The following CALHM3 variants were observed in gnomAD, a reference collection of about 807,000 sequenced individuals.
CALHM3 encodes calcium homeostasis modulator protein 3.
Under a neutral mutation model 13.6 loss-of-function variants are expected in CALHM3, and 9 were observed. The observed-to-expected ratio is 0.66, with a 90% confidence interval of 0.40 to 1.15. CALHM3 has a LOEUF of 1.15. Among genes scored for constraint, CALHM3 ranks in the 50% most tolerant of loss-of-function variants. The probability of loss-of-function intolerance (pLI) is 0.01; values close to 1 mark genes in which losing one functional copy is unlikely to be tolerated. For synonymous variants in CALHM3, 231 were observed against 213.2 expected (o/e 1.08, Z -0.73); for missense variants, 497 against 463.4 (o/e 1.07, Z -0.67).
rs1458377097 is a variant in CALHM3, at chr10:103,472,972, T to G, written c.*241A>C. On this transcript the variant is annotated 3_prime_UTR_variant, in exon 3 of 3. Coordinates refer to ENST00000369783, the MANE Select transcript of CALHM3 (RefSeq NM_001129742.2). ...AAATGCAGAATCTCAGACTCGGTCC[T>G]GGCTACACTGTCTGAACCTGTATTT... 1.5e-5 allele frequency: 6 copies of G among 404,822 alleles called. No homozygotes were observed. The highest frequency in any genetic ancestry group is 8.9e-5 in the Admixed American group (2 of 22,486). 25.1% of individuals were successfully genotyped at this position (404,822 alleles called of 1,614,324 possible).
intron 1 of CALHM3, among the ~76,000 whole-genome samples, chr10:103,476,849 G>A (rs1196805339): frequency 1.3e-5 from 2 of 152,326 alleles, no homozygotes; most frequent in African/African-American, 4.8e-5. Context: ...TCACCTGGAG[G>A]GCCTGAGGGC....
chr10:103,474,696 C>T (rs1389103233), intron 2 of CALHM3, among the ~76,000 whole-genome samples: 2 of 152,168 alleles, frequency 1.3e-5, no homozygotes, highest in East Asian at 3.9e-4. Context: ...CTCATGTGAT[C>T]CACCCGCCTC....
Position 103,478,887 on chromosome 10 carries a change from G to A in CALHM3, c.146C>T (p.Ala49Val). ...CAGCAGCAGGCCCAGGCCGTAGAGT[G>A]CATTGTAGTGCACCAGGCAGGGACA... ...FNCPCLVHYN[A>V]LYGLGLLLTP... The change falls in exon 1 of 3, where the codon GCA (alanine) becomes GTA (valine). Residue 49 changes from alanine to valine, a missense_variant. By Grantham distance (64) the Ala-to-Val change is moderately conservative. Transcript: ENST00000369783. 6.4e-7 allele frequency: 1 copy of A among 1,551,762 alleles called. No individual in the cohort carries two copies.
chr10:103,474,642 A>G (rs1244173596), intron 2 of CALHM3, among the ~76,000 whole-genome samples: 2 of 152,028 alleles, frequency 1.3e-5, no homozygotes, highest in African/African-American at 4.8e-5. Flanking sequence ...TTTAGTAGAG[A>G]CGAGGTTTCA....
At position 103,473,209 on chromosome 10, in the gene CALHM3, G is replaced by A. The variant is rs1461171674; in HGVS notation, c.*4C>T. On this transcript the variant is annotated 3_prime_UTR_variant, in exon 3 of 3. Coordinates refer to ENST00000369783, the MANE Select transcript of CALHM3 (RefSeq NM_001129742.2). ...ACACTGCCGCTTCAAGCCTGGCCAG[G>A]ACCCTACACGTCGGTGTGTTGTGAC... 7.2e-7 allele frequency: 1 copy of A among 1,396,114 alleles called. No homozygotes were observed. Among genetic ancestry groups the A allele is most frequent in the Non-Finnish European group, 9.3e-7 (1 of 1,072,616 alleles). 86.5% of individuals were successfully genotyped at this position (1,396,114 alleles called of 1,614,324 possible). A position where few individuals can be genotyped will look rare whatever the true frequency, so the allele number is the denominator to read the frequency against.
chr10:103,473,747 A>C (rs754106290), intron 2 of CALHM3, 43 bp from the exon 3 acceptor site: 1 of 1,498,076 alleles, frequency 6.7e-7, no homozygotes. Context: ...AGTGGGGCCT[A>C]ATCCTATATA....
Position 103,478,837 on chromosome 10 carries a change from A to C in CALHM3, c.196T>G (p.Cys66Gly), listed in dbSNP as rs2033422723. Residue 66 changes from cysteine (C) to glycine (G), a missense_variant, in exon 1 of 3, where the codon TGC (cysteine) becomes GGC (glycine). Transcript: ENST00000369783. ...GACTGCCGGTTGGCGAGGAGGCCGC[A>C]GAGAAACAGGGCGAGCGGGGGCGTC... ...LLTPPLALFL[C>G]GLLANRQSVV... The C allele has an allele frequency of 6.4e-6, 10 of 1,551,668 alleles. No individual in the cohort carries two copies. The highest frequency in any genetic ancestry group is 8.7e-6 in the Non-Finnish European group (10 of 1,146,994).
rs1197205959 is a variant in CALHM3 at position 103,473,604 on chromosome 10, T to C, written c.644A>G (p.Tyr215Cys). Residue 215 changes from tyrosine (Y) to cysteine (C), a missense_variant, in exon 3 of 3, where the codon TAC becomes TGC. Coordinates refer to ENST00000369783, the MANE Select transcript of CALHM3 (RefSeq NM_001129742.2). ...FDQTVFLQRR[Y>C]WSNYVDLEQK... ...CTCCAGGTCCACGTAGTTGCTCCAGTATCTGCGCTGCAGGAAGACTGTCTG... is the reference window on the plus strand; with the variant it reads ...CTCCAGGTCCACGTAGTTGCTCCAGCATCTGCGCTGCAGGAAGACTGTCTG... 1 of 1,551,224 alleles carries C rather than the reference T, an allele frequency of 6.4e-7. No individual in the cohort carries two copies. Among genetic ancestry groups the C allele is most frequent in the African/African-American group, 1.4e-5 (1 of 73,040 alleles).
At chr10:103,477,848 C>T (rs1169090576) in intron 1 of CALHM3, among the ~76,000 whole-genome samples, 14 of 152,158 alleles carry the variant, frequency 9.2e-5, no homozygotes, top group Admixed American at 2.0e-4. Context: ...GCTGGGATTA[C>T]GGGTGAGAGC....
chr10:103,479,090 C>T lies in CALHM3; in HGVS notation c.-58G>A. The T allele has an allele frequency of 6.7e-7, 1 of 1,492,416 alleles. No individual in the cohort carries two copies. 92.4% of individuals were successfully genotyped at this position (1,492,416 alleles called of 1,614,324 possible). On this transcript the variant is annotated 5_prime_UTR_variant, in exon 1 of 3. Transcript: ENST00000369783. ...TTCGGCTCAGTGAGGCTCTGGCCAC[C>T]TTCCTGGTGTCTGCTGTGCTGGGGA...
At chr10:103,478,086 A>G (rs1008078475) in intron 1 of CALHM3, among the ~76,000 whole-genome samples, 3 of 152,226 alleles carry the variant, frequency 2.0e-5, no homozygotes, top group South Asian at 2.1e-4. Flanking sequence ...ATTGTAGATC[A>G]TAAGACTCCC....
At chr10:103,478,200 C>T (rs557857233) in intron 1 of CALHM3, among the ~76,000 whole-genome samples, 1 of 152,204 alleles carries the variant, frequency 6.6e-6, no homozygotes, top group South Asian at 2.1e-4. Context: ...CCGTCTATAA[C>T]ATCAGTTCAT....
Position 103,473,246 on chromosome 10 carries a change from C to G in CALHM3, c.1002G>C (p.Leu334=), listed in dbSNP as rs1277240768. ...CGGTGTGTTGTGACAGCCTCGTGCC[C>G]AGTGCCAAGGTAGGGGCGCGGTGGC... ...GLSHRAPTLA[L]GTRLSQHTDV The change falls in exon 3 of 3, where the codon CTG becomes CTC. Residue 334 remains leucine (L), a synonymous_variant. Coordinates refer to ENST00000369783, the MANE Select transcript of CALHM3 (RefSeq NM_001129742.2). 3 of 1,441,892 alleles carry G rather than the reference C, an allele frequency of 2.1e-6. No individual in the cohort carries two copies. In the African/African-American group the frequency reaches 4.3e-5, roughly 21 times the overall value. 89.3% of individuals were successfully genotyped at this position (1,441,892 alleles called of 1,614,324 possible).
At chr10:103,477,975 C>T (rs2033409944) in intron 1 of CALHM3, among the ~76,000 whole-genome samples, 1 of 152,258 alleles carries the variant, frequency 6.6e-6, no homozygotes, top group East Asian at 1.9e-4. Context: ...CTCCTTTTCT[C>T]CAAAGCTGCC....
intron 1 of CALHM3, 65 bp downstream of exon 1, chr10:103,478,681 G>T: frequency 6.9e-7 from 1 of 1,441,774 alleles, no homozygotes; most frequent in Non-Finnish European, 9.2e-7. Context: ...ACTTGACAGT[G>T]CCTGTGGGGT....
rs977159749 is a variant in CALHM3 at position 103,479,070 on chromosome 10, C to T, written c.-38G>A. On this transcript the variant is annotated 5_prime_UTR_variant, in exon 1 of 3. Transcript: ENST00000369783. ...GGTGGGTGGGCGGCCGTCGGTTCGG[C>T]TCAGTGAGGCTCTGGCCACCTTCCT... is the stretch of plus-strand genomic sequence containing the variant. The T allele has an allele frequency of 1.3e-6, 2 of 1,515,370 alleles. No homozygotes were observed. The highest frequency in any genetic ancestry group is 1.8e-6 in the Non-Finnish European group (2 of 1,127,930). 93.9% of individuals were successfully genotyped at this position (1,515,370 alleles called of 1,614,324 possible).
chr10:103,478,252 C>A (rs1310253437), intron 1 of CALHM3, among the ~76,000 whole-genome samples: 7 of 152,184 alleles, frequency 4.6e-5, no homozygotes, highest in African/African-American at 1.7e-4. Context: ...GCTATCCAAA[C>A]CTTGTTGAAC....
chr10:103,474,346 T>A (rs2033363988), intron 2 of CALHM3, among the ~76,000 whole-genome samples: 1 of 152,182 alleles, frequency 6.6e-6, no homozygotes, highest in Non-Finnish European at 1.5e-5. Flanking sequence ...TATCCATCTC[T>A]TCTCCCATTC....
In CALHM3 at chr10:103,478,918, A is replaced by G. The variant is rs1366889425; in HGVS notation, c.115T>C (p.Phe39Leu). ...TAGTGCACCAGGCAGGGACAGTTGAAGTCAAAGGAGGAGTACAGCTTGACG... is the reference window on the plus strand; with the variant it reads ...TAGTGCACCAGGCAGGGACAGTTGAGGTCAAAGGAGGAGTACAGCTTGACG... ...VTVKLYSSFD[F>L]NCPCLVHYNA... The change falls in exon 1 of 3, where the codon TTC (phenylalanine) becomes CTC (leucine). Residue 39 changes from phenylalanine to leucine, a missense_variant. By Grantham distance (22) the Phe-to-Leu change is conservative. Transcript: ENST00000369783. 6 of 1,551,650 alleles carry G rather than the reference A, an allele frequency of 3.9e-6. No individual in the cohort carries two copies. Among genetic ancestry groups the G allele is most frequent in the Non-Finnish European group, 3.5e-6 (4 of 1,147,012 alleles).
Sources: allele counts gnomAD v4.1 joint callset (sites outside exome capture counted in the v4.1 genomes callset), GRCh38; gene constraint gnomAD v4.1.1; transcripts MANE v1.5; gene names NCBI Gene and HGNC (gene_info 2026-07-23, HGNC 2026-07-21).